The following CFAP54 variants were observed in gnomAD, a reference collection of about 807,000 sequenced individuals.
CFAP54 encodes the protein cilia- and flagella-associated protein 54.
Under a neutral mutation model 370.4 loss-of-function variants are expected in CFAP54, and 290 were observed. The observed-to-expected ratio is 0.78, with a 90% CI of 0.71 to 0.86. CFAP54 has a LOEUF of 0.86. Ranked by LOEUF, CFAP54 falls within the 40% of genes least tolerant of loss-of-function variation. The pLI is 0.00. For missense variants in CFAP54, 3,399 were observed against 3,528.7 expected (o/e 0.96, Z 0.93); for synonymous variants, 1,206 against 1,236.5 (o/e 0.98, Z 0.52).
chr12:96,647,073 G>T (rs1021533814), intron 33 of CFAP54: 1 of 151,970 alleles, frequency 6.6e-6, no homozygotes, highest in African/African-American at 2.4e-5. Flanking sequence ...TGCACATTGT[G>T]CACATGTACC....
rs147785875 is a variant in CFAP54, at chr12:96,543,657, T to C, written c.2077+2670T>C. Among the ~76,000 whole-genome samples the C allele has an allele frequency of 1.6e-3, 244 of 152,330 alleles. 1 individual carries two copies. Among genetic ancestry groups the C allele is most frequent in the African/African-American group, 5.5e-3 (230 of 41,572 alleles). ...GAGGCTTTGGATGATGTTTTCGTTT[T>C]CTAGGGAAGATTTATGCTTGCTTTT... On this transcript the variant is annotated intron_variant, in intron 14 of 67. Coordinates refer to ENST00000524981, the MANE Select transcript of CFAP54 (RefSeq NM_001306084.2).
chr12:96,576,822 C>T (rs1955983372), intron 20 of CFAP54, 61 bp downstream of exon 20: 13 of 1,320,126 alleles, frequency 9.8e-6, no homozygotes, highest in Non-Finnish European at 1.2e-5. Flanking sequence ...TTATAACTAC[C>T]ATGATTCATA....
At chr12:96,832,453 A>G (rs992656728) in intron 66 of CFAP54, among the ~76,000 whole-genome samples, 23 of 152,092 alleles carry the variant, frequency 1.5e-4, no homozygotes, top group Non-Finnish European at 3.1e-4. Context: ...CAGTTTTCTC[A>G]TATGTAAAAA....
chr12:96,694,489 G>GCA (rs1018132123), intron 45 of CFAP54, among the ~76,000 whole-genome samples: 7 of 150,732 alleles, frequency 4.6e-5, no homozygotes, highest in East Asian at 3.9e-4. Flanking sequence ...TATATCTTAC[G>GCA]CACACACACA....
chr12:96,813,352 G>A (rs1958945031), intron 64 of CFAP54, among the ~76,000 whole-genome samples: 1 of 152,088 alleles, frequency 6.6e-6, no homozygotes, highest in African/African-American at 2.4e-5. Context: ...GGCATTCCTT[G>A]TGTTCTTATG....
intron 39 of CFAP54, among the ~76,000 whole-genome samples, chr12:96,670,285 A>T (rs967360336): frequency 6.6e-6 from 1 of 152,208 alleles, no homozygotes; most frequent in Admixed American, 6.5e-5. Flanking sequence ...TTTAATTACT[A>T]TAACAACCCC....
At chr12:96,510,066 A>G (rs1242757256) in intron 4 of CFAP54, among the ~76,000 whole-genome samples, 1 of 151,788 alleles carries the variant, frequency 6.6e-6, no homozygotes, top group African/African-American at 2.4e-5. Context: ...CAGCCTGGCC[A>G]ACGTAGTGAA....
chr12:96,628,928 C>CAA (rs11308912), intron 30 of CFAP54, among the ~76,000 whole-genome samples: 2 of 147,176 alleles, frequency 1.4e-5, no homozygotes, highest in African/African-American at 2.5e-5. Context: ...AATATAAATT[C>CAA]AAAAAAAAAA....
At chr12:96,646,746 T>G (rs1956797618) in intron 33 of CFAP54, 1 of 152,220 alleles carries the variant, frequency 6.6e-6, no homozygotes, top group Non-Finnish European at 1.5e-5. Flanking sequence ...ATGTGGCACG[T>G]ATACACCATG....
At chr12:96,503,736 A>G in intron 2 of CFAP54, 150 bp from the exon 3 acceptor site, 1 of 621,722 alleles carries the variant, frequency 1.6e-6, no homozygotes, top group Non-Finnish European at 2.7e-6. Flanking sequence ...AGTGTCTCTC[A>G]CATACTATGT....
At position 96,598,711 on chromosome 12, in the gene CFAP54, G is replaced by A. The variant is rs987157222; in HGVS notation, c.3583G>A (p.Ala1195Thr). ...PSIVCSKKHT[A>T]SFESIQHMIA... The stretch of plus-strand genomic sequence containing the variant: ...TATTGTCTGCTCGAAGAAACATACT[G>A]CGAGCTTTGAAAGTATACAACACAT... Residue 1195 changes from alanine to threonine, a missense_variant, in exon 26 of 68, where the codon GCG becomes ACG. Ala to Thr is a moderately conservative substitution (Grantham distance 58). Around this residue, in one of 3 missense-constraint regions of CFAP54, gnomAD observed 2,796 missense variants for 2,869.7 expected, o/e 0.97. Coordinates refer to ENST00000524981, the MANE Select transcript of CFAP54 (RefSeq NM_001306084.2). 15 of 682,768 alleles carry A rather than the reference G, an allele frequency of 2.2e-5. No individual in the cohort carries two copies. In the Admixed American group the frequency reaches 2.3e-4, roughly 10 times the overall value. The allele number at this position is 682,768 out of a possible 1,614,324, so 42.3% of individuals were successfully genotyped here. A position where few individuals can be genotyped will look rare whatever the true frequency, so the allele number is the denominator to read the frequency against.
chr12:96,690,513 A>G (rs1229279136), intron 43 of CFAP54, among the ~76,000 whole-genome samples: 4 of 152,212 alleles, frequency 2.6e-5, no homozygotes, highest in Non-Finnish European at 4.4e-5. Flanking sequence ...CTAGTGGTCA[A>G]ATTAAACAAT....
chr12:96,715,467 A>G (rs143163866), intron 48 of CFAP54, among the ~76,000 whole-genome samples: 4 of 152,228 alleles, frequency 2.6e-5, no homozygotes, highest in Non-Finnish European at 5.9e-5. Context: ...GAGGGATGAG[A>G]TGGCAGGGGG....
At chr12:96,817,330 C>T (rs1700625320) in intron 64 of CFAP54, among the ~76,000 whole-genome samples, 1 of 152,192 alleles carries the variant, frequency 6.6e-6, no homozygotes, top group Admixed American at 6.5e-5. Flanking sequence ...AAGGGAATTA[C>T]TGAATGAATG....
intron 26 of CFAP54, among the ~76,000 whole-genome samples, chr12:96,614,137 C>A (rs955174557): frequency 1.3e-5 from 2 of 152,170 alleles, no homozygotes; most frequent in Non-Finnish European, 2.9e-5. Flanking sequence ...AAACGGAATC[C>A]AGCAGCACAT....
chr12:96,688,910 A>G lies in CFAP54; in HGVS notation c.6015-6A>G, dbSNP rs547937647. The stretch of plus-strand genomic sequence containing the variant: ...TAATCAATTTTTTTTTCTTATACTT[A>G]CTTAGATTTATTAAGTCATTGAATG... On this transcript the variant is annotated splice_polypyrimidine_tract_variant and splice_region_variant and intron_variant, in intron 42 of 67. Transcript: ENST00000524981. 2 of 1,542,938 alleles carry G rather than the reference A, an allele frequency of 1.3e-6. No individual in the cohort carries two copies. Among genetic ancestry groups the G allele is most frequent in the Non-Finnish European group, 1.8e-6 (2 of 1,141,148 alleles).
chr12:96,784,783 G>A lies in CFAP54; in HGVS notation c.8348G>A (p.Ser2783Asn), dbSNP rs1958612986. Residue 2783 changes from serine (S) to asparagine (N), a missense_variant, in exon 61 of 68, where the codon AGC becomes AAC. Ser to Asn is a conservative substitution (Grantham distance 46, BLOSUM62 1). Around this residue, in one of 3 missense-constraint regions of CFAP54, gnomAD observed 2,796 missense variants for 2,869.7 expected, o/e 0.97. Transcript: ENST00000524981. ...FLYQNDDVCDSADGRKKTQTK... is the reference protein window; with the variant it reads ...FLYQNDDVCDNADGRKKTQTK... ...TACCAAAATGATGATGTGTGTGACAGCGCAGATGGTAGAAAAAAGACTCAG... is the reference window on the plus strand; with the variant it reads ...TACCAAAATGATGATGTGTGTGACAACGCAGATGGTAGAAAAAAGACTCAG... 12 of 1,534,762 alleles carry A rather than the reference G, an allele frequency of 7.8e-6. No individual in the cohort carries two copies. Among genetic ancestry groups the A allele is most frequent in the Admixed American group, 2.0e-5 (1 of 50,916 alleles).
chr12:96,575,213 G>A (rs1264464570), intron 19 of CFAP54, among the ~76,000 whole-genome samples: 1 of 152,038 alleles, frequency 6.6e-6, no homozygotes, highest in Non-Finnish European at 1.5e-5. Flanking sequence ...TTTAAAAGGA[G>A]TTATTTTCCT....
At chr12:96,558,744 C>A (rs2136404933) in intron 17 of CFAP54, among the ~76,000 whole-genome samples, 1 of 152,266 alleles carries the variant, frequency 6.6e-6, no homozygotes, top group Middle Eastern at 3.4e-3. Flanking sequence ...AGATTAAAGA[C>A]TTAAATCTAA....
Sources: allele counts gnomAD v4.1 joint callset (sites outside exome capture counted in the v4.1 genomes callset), GRCh38; gene constraint gnomAD v4.1.1; regional missense constraint gnomAD v4.1.1; transcripts MANE v1.5; gene names NCBI Gene and HGNC (gene_info 2026-07-23, HGNC 2026-07-21).